Variants in FHIT observed in about 807,000 individuals in gnomAD.
FHIT encodes fragile histidine triad diadenosine triphosphatase.
In FHIT, 19 loss-of-function variants were observed where a neutral mutation model predicts 17.9. The ratio of observed to expected loss-of-function variants is 1.06; its 90% confidence interval spans 0.74 to 1.56. FHIT has a LOEUF of 1.56. Among genes scored for constraint, FHIT ranks in the 40% most tolerant of loss-of-function variants. The pLI, the probability that FHIT is intolerant of heterozygous loss-of-function variation, is 0.00. For missense variants in FHIT, 248 were observed against 189.2 expected (o/e 1.31, Z -1.82); for synonymous variants, 81 against 69.7 (o/e 1.16, Z -0.81).
chr3:59,853,937 C>A (rs1287999337), intron 8 of FHIT, among the ~76,000 whole-genome samples: 1 of 152,070 alleles, frequency 6.6e-6, no homozygotes, highest in Admixed American at 6.6e-5. Context: ...CACACTCCTG[C>A]TACAATTAGA....
At chr3:60,153,585 G>A (rs973231961) in intron 5 of FHIT, among the ~76,000 whole-genome samples, 3 of 152,134 alleles carry the variant, frequency 2.0e-5, no homozygotes, top group African/African-American at 7.2e-5. Context: ...ACAATACCCA[G>A]GCACTGCTTT....
At chr3:60,298,789 T>G (rs192085468) in intron 5 of FHIT, among the ~76,000 whole-genome samples, 1 of 152,274 alleles carries the variant, frequency 6.6e-6, no homozygotes, top group East Asian at 1.9e-4. Context: ...ATAAGTCAAC[T>G]TAAAGCTGTT....
intron 4 of FHIT, among the ~76,000 whole-genome samples, chr3:60,568,260 T>C (rs565043631): frequency 9.2e-5 from 14 of 152,258 alleles, no homozygotes; most frequent in African/African-American, 1.4e-4. Flanking sequence ...ACATACACCA[T>C]GGAATACTAT....
intron 2 of FHIT, among the ~76,000 whole-genome samples, chr3:61,175,840 G>A (rs1479601264): frequency 6.6e-6 from 1 of 152,188 alleles, no homozygotes; most frequent in African/African-American, 2.4e-5. Flanking sequence ...CCAGAACTGT[G>A]ACAAATTTCT....
intron 8 of FHIT, among the ~76,000 whole-genome samples, chr3:59,757,545 G>A (rs564165242): frequency 3.3e-5 from 5 of 152,248 alleles, no homozygotes; most frequent in African/African-American, 1.2e-4. Flanking sequence ...TTAGAGTTCT[G>A]TAATGGAATG....
intron 7 of FHIT, among the ~76,000 whole-genome samples, chr3:59,952,754 G>T (rs1707184682): frequency 6.6e-6 from 1 of 152,162 alleles, no homozygotes; most frequent in Admixed American, 6.5e-5. Context: ...CGCTGGTTCT[G>T]CATTTGAACA....
intron 4 of FHIT, among the ~76,000 whole-genome samples, chr3:60,796,531 T>A (rs1700986242): frequency 6.6e-6 from 1 of 152,134 alleles, no homozygotes. Flanking sequence ...ATTTTTCAAG[T>A]TGGGTTTAAA....
At position 59,761,083 on chromosome 3, in the gene FHIT, C is replaced by G. The variant is rs540491470; in HGVS notation, c.349-8762G>C. 3.9e-5 allele frequency among the ~76,000 whole-genome samples: 6 copies of G among 152,244 alleles called. No homozygotes were observed. The South Asian group carries it at 1.2e-3, about 32-fold the overall frequency. On this transcript the variant is annotated intron_variant, in intron 8 of 9. Coordinates refer to ENST00000492590, the MANE Select transcript of FHIT (RefSeq NM_002012.4). ...TTGATATTCTTAGGACACCCCATTGCTATGATTTTCTTCTCAACCTTGTAA... is the reference window on the plus strand; with the variant it reads ...TTGATATTCTTAGGACACCCCATTGGTATGATTTTCTTCTCAACCTTGTAA...
At chr3:61,148,376 C>T (rs1288141568) in intron 2 of FHIT, among the ~76,000 whole-genome samples, 3 of 152,092 alleles carry the variant, frequency 2.0e-5, no homozygotes, top group Non-Finnish European at 4.4e-5. Context: ...CAATAGTCTC[C>T]TAGCTCCCTA....
intron 4 of FHIT, among the ~76,000 whole-genome samples, chr3:60,545,836 A>G (rs2036341862): frequency 7.6e-6 from 1 of 131,144 alleles, no homozygotes; most frequent in South Asian, 2.8e-4. Context: ...TTCTATATAC[A>G]TGAGACATCA....
chr3:60,690,142 G>A (rs1052419986), intron 4 of FHIT: 3 of 411,854 alleles, frequency 7.3e-6, no homozygotes, highest in Non-Finnish European at 4.6e-6. Flanking sequence ...CTAGGATACT[G>A]CGAGCAAATG....
chr3:61,229,584 C>T (rs1295600939), intron 1 of FHIT, among the ~76,000 whole-genome samples: 1 of 152,200 alleles, frequency 6.6e-6, no homozygotes. Flanking sequence ...AACTCTAGCC[C>T]TCTGAGAACC....
chr3:60,889,157 A>G (rs1361372495), intron 3 of FHIT, among the ~76,000 whole-genome samples: 2 of 152,078 alleles, frequency 1.3e-5, no homozygotes, highest in African/African-American at 4.8e-5. Context: ...TCCACGCTGC[A>G]TAACCATTTT....
At chr3:60,098,606 C>G (rs1704064970) in intron 5 of FHIT, among the ~76,000 whole-genome samples, 1 of 152,074 alleles carries the variant, frequency 6.6e-6, no homozygotes, top group African/African-American at 2.4e-5. Context: ...ATTGCAGATT[C>G]TGGATATTAG....
At chr3:59,752,770 C>T (rs890679583) in intron 8 of FHIT, among the ~76,000 whole-genome samples, 6 of 152,158 alleles carry the variant, frequency 3.9e-5, no homozygotes, top group African/African-American at 1.2e-4. Flanking sequence ...CCACAGAAGA[C>T]GTGCCTGCTT....
At chr3:60,624,245 G>C (rs542078861) in intron 4 of FHIT, among the ~76,000 whole-genome samples, 1 of 152,208 alleles carries the variant, frequency 6.6e-6, no homozygotes, top group African/African-American at 2.4e-5. Context: ...GCAAGGAGTG[G>C]TAAGAGACAG....
intron 2 of FHIT, among the ~76,000 whole-genome samples, chr3:61,181,948 C>A (rs1014463255): frequency 2.0e-5 from 3 of 152,152 alleles, no homozygotes; most frequent in African/African-American, 7.2e-5. Flanking sequence ...ACTGGACATA[C>A]CAAGTCTGGT....
intron 3 of FHIT, among the ~76,000 whole-genome samples, chr3:60,962,409 C>T (rs1364425643): frequency 1.3e-5 from 2 of 152,080 alleles, no homozygotes; most frequent in African/African-American, 4.8e-5. Flanking sequence ...TTTCCTAATT[C>T]AATACACTTT....
chr3:60,173,640 C>T (rs541625464), intron 5 of FHIT, among the ~76,000 whole-genome samples: 12 of 151,664 alleles, frequency 7.9e-5, no homozygotes, highest in East Asian at 5.9e-4. Context: ...TGGAGATCAA[C>T]GAAGCATGAA....
Sources: gnomAD v4.1 joint callset for allele counts (sites outside exome capture counted in the v4.1 genomes callset) on GRCh38, gnomAD v4.1.1 for gene constraint, MANE v1.5 for transcripts, NCBI Gene and HGNC (gene_info 2026-07-23, HGNC 2026-07-21) for gene names.